Variants in RILPL1 observed in about 807,000 individuals in gnomAD.
RILPL1 encodes Rab interacting lysosomal protein like 1.
Under a neutral mutation model 50.3 loss-of-function variants are expected in RILPL1, and 33 were observed. That is an observed-to-expected ratio of 0.66 (90% confidence interval 0.50 to 0.88). The LOEUF (loss-of-function observed/expected upper bound fraction) is 0.88, where lower values mean the gene tolerates loss of function less well. Ranked by LOEUF, RILPL1 falls within the 40% of genes least tolerant of loss-of-function variation. RILPL1 has a pLI of 0.00. For missense variants in RILPL1, 418 were observed against 542.5 expected (o/e 0.77, Z 2.28); for synonymous variants, 205 against 228.6 (o/e 0.90, Z 0.93).
intron 2 of RILPL1, among the ~76,000 whole-genome samples, chr12:123,521,710 A>AAT (rs1403604243): frequency 9.4e-6 from 1 of 106,618 alleles, no homozygotes; most frequent in African/African-American, 3.5e-5. Flanking sequence ...TATATATATA[A>AAT]ATATATATAT....
intron 4 of RILPL1, among the ~76,000 whole-genome samples, chr12:123,490,532 G>A (rs892632792): frequency 6.6e-6 from 1 of 152,058 alleles, no homozygotes; most frequent in Non-Finnish European, 1.5e-5. Flanking sequence ...GGGAGGAATG[G>A]CCTGATTCCT....
chr12:123,481,579 G>C (rs1257248281), intron 6 of RILPL1, among the ~76,000 whole-genome samples: 4 of 150,070 alleles, frequency 2.7e-5, no homozygotes, highest in Non-Finnish European at 5.9e-5. Flanking sequence ...TTTTTGAGGC[G>C]GAGTTTCACT....
intron 6 of RILPL1, among the ~76,000 whole-genome samples, chr12:123,477,982 T>G: frequency 1.5e-5 from 2 of 132,422 alleles, no homozygotes; most frequent in African/African-American, 2.7e-5. Flanking sequence ...ACTCCATCTG[T>G]ATGTCTTTTT....
chr12:123,516,538 A>G (rs893013092), intron 2 of RILPL1, among the ~76,000 whole-genome samples: 5 of 152,140 alleles, frequency 3.3e-5, no homozygotes, highest in East Asian at 1.9e-4. Flanking sequence ...CACTTCTTTC[A>G]TAAGTCAGTT....
At position 123,491,820 on chromosome 12, in the gene RILPL1, C is replaced by T. The variant is rs1467999916; in HGVS notation, c.802-6015G>A. Among the ~76,000 whole-genome samples, 1 of 152,134 alleles carries T rather than the reference C, an allele frequency of 6.6e-6. No homozygotes were observed. Among genetic ancestry groups the T allele is most frequent in the East Asian group, 1.9e-4 (1 of 5,176 alleles). ...AAGAGTTCGAGATCAGCCTGGGCAA[C>T]ATGGTAAAACCCTGTCTCTACTAAA... On this transcript the variant is annotated intron_variant, in intron 4 of 6. Transcript: ENST00000376874. The surrounding 1 kb of genome is among the most constrained non-coding windows in gnomAD (Gnocchi z 4.0).
intron 2 of RILPL1, chr12:123,513,951 G>A (rs1416041559): frequency 6.6e-6 from 1 of 152,212 alleles, no homozygotes; most frequent in African/African-American, 2.4e-5. Context: ...GCACTGTCCA[G>A]GCAGTGGGAC....
chr12:123,484,191 G>T lies in RILPL1; in HGVS notation c.1056C>A (p.Gly352=), dbSNP rs1222403244. ...HPRTSPQPES[G]IKRLFSFFSR... ...AGCGCATCACTTACAGTCGCTTGAT[G>T]CCCGACTCCGGCTGGGGGGACGTCC... is the stretch of plus-strand genomic sequence containing the variant. Residue 352 remains glycine (G), a synonymous_variant, in exon 6 of 7, where the codon GGC becomes GGA. Coordinates refer to ENST00000376874, the MANE Select transcript of RILPL1 (RefSeq NM_178314.5). 6.2e-7 allele frequency: 1 copy of T among 1,605,180 alleles called. No homozygotes were observed. The highest frequency in any genetic ancestry group is 2.2e-5 in the East Asian group (1 of 44,826).
chr12:123,516,154 T>G (rs981816046), intron 2 of RILPL1, among the ~76,000 whole-genome samples: 2 of 151,368 alleles, frequency 1.3e-5, no homozygotes, highest in South Asian at 2.1e-4. Context: ...ATCAGACCAG[T>G]GTGTTTCTCA....
intron 6 of RILPL1, among the ~76,000 whole-genome samples, chr12:123,479,619 C>T (rs950366079): frequency 5.3e-5 from 8 of 152,180 alleles, no homozygotes; most frequent in African/African-American, 1.2e-4. Context: ...TGGACAAAGG[C>T]GACCAGTGTC....
chr12:123,473,884 A>G (rs567778525), intron 6 of RILPL1: 37 of 151,816 alleles, frequency 2.4e-4, no homozygotes, highest in African/African-American at 8.7e-4. Context: ...AAGGTAGTCC[A>G]TTTATTTTTA....
At chr12:123,518,363 C>T (rs1884827376) in intron 2 of RILPL1, 1 of 424,584 alleles carries the variant, frequency 2.4e-6, no homozygotes, top group Non-Finnish European at 4.7e-6. Context: ...AAAACTTAGC[C>T]AGGCGTGGTG....
chr12:123,507,622 T>G (rs548479978), intron 2 of RILPL1, among the ~76,000 whole-genome samples: 22 of 150,682 alleles, frequency 1.5e-4, no homozygotes, highest in African/African-American at 5.1e-4. Flanking sequence ...ATTAGAACCT[T>G]TATACACTGC....
chr12:123,504,962 G>T (rs745784509), intron 2 of RILPL1, among the ~76,000 whole-genome samples: 3 of 152,160 alleles, frequency 2.0e-5, no homozygotes, highest in Non-Finnish European at 2.9e-5. Context: ...CCCAGACAGA[G>T]CCACCTTCTG....
At chr12:123,513,130 T>C (rs1162150580) in intron 2 of RILPL1, among the ~76,000 whole-genome samples, 1 of 150,418 alleles carries the variant, frequency 6.6e-6, no homozygotes, top group East Asian at 2.0e-4. Flanking sequence ...GTGTGTGGTG[T>C]GTGAGGTCCG....
intron 2 of RILPL1, among the ~76,000 whole-genome samples, chr12:123,510,129 C>T (rs565819838): frequency 1.3e-5 from 2 of 152,352 alleles, no homozygotes; most frequent in South Asian, 4.1e-4. Context: ...GGCAACCAAG[C>T]CGGGCCCCCC....
At chr12:123,492,982 A>G (rs1593551241) in intron 4 of RILPL1, among the ~76,000 whole-genome samples, 1 of 152,104 alleles carries the variant, frequency 6.6e-6, no homozygotes, top group African/African-American at 2.4e-5. Context: ...ATATGGCCTC[A>G]TGGGAAGGGA....
intron 4 of RILPL1, among the ~76,000 whole-genome samples, chr12:123,495,034 G>A (rs1566122922): frequency 6.6e-6 from 1 of 152,116 alleles, no homozygotes; most frequent in Non-Finnish European, 1.5e-5. Flanking sequence ...GGCTTGAGTC[G>A]CAGCCATGTG....
chr12:123,475,866 A>T, intron 6 of RILPL1: 1 of 617,722 alleles, frequency 1.6e-6, no homozygotes, highest in South Asian at 1.8e-5. Flanking sequence ...TAGCGGTTGA[A>T]TTGTGTCACC....
chr12:123,510,975 GT>G (rs1450924632), intron 2 of RILPL1, among the ~76,000 whole-genome samples: 1 of 144,916 alleles, frequency 6.9e-6, no homozygotes, highest in African/African-American at 2.7e-5. Flanking sequence ...GTCTGTGTGT[GT>G]GTGGTGTGTG....
Sources: gnomAD v4.1 joint callset for allele counts (sites outside exome capture counted in the v4.1 genomes callset) on GRCh38, gnomAD v4.1.1 for gene constraint, Gnocchi (gnomAD v3.1) non-coding constraint, MANE v1.5 for transcripts, NCBI Gene and HGNC (gene_info 2026-07-23, HGNC 2026-07-21) for gene names.